Variants in GRM7 observed in about 807,000 individuals in gnomAD.
GRM7 encodes the protein glutamate metabotropic receptor 7, also known as metabotropic glutamate receptor 7.
A neutral mutation model predicts 84.5 loss-of-function variants in GRM7; 35 were observed. That is an observed-to-expected ratio of 0.41 (90% CI 0.32 to 0.55). The LOEUF is 0.55. Ranked by LOEUF, GRM7 falls within the 20% of genes least tolerant of loss-of-function variation. The pLI is 0.19. For synonymous variants in GRM7, 487 were observed against 455.1 expected (o/e 1.07, Z -0.89); for missense variants, 1,003 against 1,194.6 (o/e 0.84, Z 2.36).
intron 2 of GRM7, among the ~76,000 whole-genome samples, chr3:7,257,967 A>G (rs1698269973): frequency 6.6e-6 from 1 of 152,132 alleles, no homozygotes. Context: ...TGATTGATTG[A>G]GCCATCCATG....
rs953423999 is a variant in GRM7 at position 7,151,897 on chromosome 3, C to T, written c.736+5229C>T. ...ACCAGGCTGTAATTCCTAATACCAC[C>T]ATCTATATTGAATTCTGTTTTTTTT... On this transcript the variant is annotated intron_variant, in intron 2 of 9. Transcript: ENST00000357716. The surrounding 1 kb of genome is among the most constrained non-coding windows in gnomAD (Gnocchi z 4.5). 1.4e-5 allele frequency among the ~76,000 whole-genome samples: 2 copies of T among 147,160 alleles called. No homozygotes were observed. The highest frequency in any genetic ancestry group is 2.6e-5 in the African/African-American group (1 of 37,930).
At position 7,151,216 on chromosome 3, in the gene GRM7, C is replaced by T. The variant is rs902184163; in HGVS notation, c.736+4548C>T. On this transcript the variant is annotated intron_variant, in intron 2 of 9. Coordinates refer to ENST00000357716, the MANE Select transcript of GRM7 (RefSeq NM_000844.4). This position sits in a 1 kb window ranked among gnomAD's most constrained non-coding sequence, Gnocchi z 4.5. The stretch of plus-strand genomic sequence containing the variant: ...TAACTGTTATTAACTGTTATTCAGC[C>T]TTCAGTTTTTTAGACCTCAAGCTCT... 6.6e-6 allele frequency among the ~76,000 whole-genome samples: 1 copy of T among 151,988 alleles called. No individual in the cohort carries two copies. Among genetic ancestry groups the T allele is most frequent in the Non-Finnish European group, 1.5e-5 (1 of 67,986 alleles).
intron 2 of GRM7, among the ~76,000 whole-genome samples, chr3:7,190,532 T>C (rs185440548): frequency 6.6e-6 from 1 of 152,230 alleles, no homozygotes; most frequent in East Asian, 1.9e-4. Flanking sequence ...CAAATCTTGA[T>C]CTTTTCTTCT....
At position 7,185,302 on chromosome 3, in the gene GRM7, C is replaced by T. The variant is rs143295343; in HGVS notation, c.736+38634C>T. ...TTGTGTGCTCCAGTGCCACTGCCAA[C>T]GAGAGTTGAGAAGTGATGGGGTTTT... is the stretch of plus-strand genomic sequence containing the variant. On this transcript the variant is annotated intron_variant, in intron 2 of 9. Coordinates refer to ENST00000357716, the MANE Select transcript of GRM7 (RefSeq NM_000844.4). Among the ~76,000 whole-genome samples, 76 of 152,216 alleles carry T rather than the reference C, an allele frequency of 5.0e-4. No individual in the cohort carries two copies. The South Asian group carries it at 6.6e-3, about 13-fold the overall frequency.
At position 7,305,360 on chromosome 3, in the gene GRM7, ATTATAC is replaced by A. The variant is rs1395437875; in HGVS notation, c.879-1135_879-1130del. On this transcript the variant is annotated intron_variant, in intron 3 of 9. Coordinates refer to ENST00000357716, the MANE Select transcript of GRM7 (RefSeq NM_000844.4). The stretch of plus-strand genomic sequence containing the variant: ...TTTTTTTTCTTTTTTTTTTTTTTTA[ATTATAC>A]TTTAAGTTTTAGGATACATGTGCAC... Among the ~76,000 whole-genome samples, 54 of 61,792 alleles carry A rather than the reference ATTATAC, an allele frequency of 8.7e-4. 15 individuals are homozygous for A. Among genetic ancestry groups the A allele is most frequent in the Non-Finnish European group, 1.9e-3 (49 of 25,988 alleles). The allele number at this position is 61,792 out of a possible 152,430, so 40.5% of individuals were successfully genotyped here. A position where few individuals can be genotyped will look rare whatever the true frequency, so the allele number is the denominator to read the frequency against.
intron 4 of GRM7, among the ~76,000 whole-genome samples, chr3:7,306,917 CTGAGAGGAGAGCA>C (rs1181187313): frequency 5.3e-5 from 8 of 152,278 alleles, no homozygotes; most frequent in African/African-American, 1.9e-4. Flanking sequence ...TAGGAACTTT[CTGAGAGGAGAGCA>C]TTATCATTAA....
intron 1 of GRM7, among the ~76,000 whole-genome samples, chr3:7,125,490 C>G (rs1306706731): frequency 3.3e-5 from 5 of 152,272 alleles, no homozygotes; most frequent in African/African-American, 1.2e-4. Flanking sequence ...AAAAAAATCC[C>G]TTTGCATAAC....
Position 6,991,096 on chromosome 3 carries a change from G to GCA in GRM7, c.519+129201_519+129202dup, listed in dbSNP as rs138208466. ...TGCATACATACATACATACATACAT[G>GCA]CACACACACACACGGATGCCCTCTT... is the stretch of plus-strand genomic sequence containing the variant. On this transcript the variant is annotated intron_variant, in intron 1 of 9. Transcript: ENST00000357716. 3.3e-5 allele frequency among the ~76,000 whole-genome samples: 5 copies of GCA among 151,714 alleles called. No homozygotes were observed. In the South Asian group the frequency reaches 6.3e-4, roughly 19 times the overall value.
chr3:7,249,041 G>A (rs943752055), intron 2 of GRM7, among the ~76,000 whole-genome samples: 9 of 152,046 alleles, frequency 5.9e-5, no homozygotes, highest in Non-Finnish European at 1.3e-4. Flanking sequence ...TTAACTCGAG[G>A]ACTTTACCCT....
At chr3:7,155,475 G>T (rs1694419595) in intron 2 of GRM7, among the ~76,000 whole-genome samples, 1 of 151,838 alleles carries the variant, frequency 6.6e-6, no homozygotes, top group Non-Finnish European at 1.5e-5. Flanking sequence ...AGGCATGAAA[G>T]TGGGCATCGG....
At chr3:6,946,389 T>C (rs1698082215) in intron 1 of GRM7, among the ~76,000 whole-genome samples, 1 of 152,224 alleles carries the variant, frequency 6.6e-6, no homozygotes, top group Admixed American at 6.5e-5. Context: ...GCATTATTTC[T>C]GAGGGCTCTG....
rs763439420 is a variant in GRM7, at chr3:7,452,672, G to A, written c.1240G>A (p.Ala414Thr). The change falls in exon 6 of 10, where the codon GCA (alanine) becomes ACA (threonine). Residue 414 changes from alanine to threonine, a missense_variant. Physicochemically the swap from Ala to Thr is moderately conservative, Grantham distance 58. Around this residue, in one of 2 missense-constraint regions of GRM7, gnomAD observed 910 missense variants for 1,126.0 expected, o/e 0.81. Coordinates refer to ENST00000357716, the MANE Select transcript of GRM7 (RefSeq NM_000844.4). ...QEGKVQFVID[A>T]VYAMAHALHH... ...GGGTAAAGTCCAGTTCGTGATTGAC[G>A]CAGTCTATGCTATGGCTCACGCCCT... The A allele has an allele frequency of 2.0e-5, 33 of 1,612,330 alleles. No homozygotes were observed. Among genetic ancestry groups the A allele is most frequent in the African/African-American group, 8.0e-5 (6 of 74,812 alleles).
rs374617506 is a variant in GRM7 at position 7,656,514 on chromosome 3, TA to T, written c.2452-23526del. On this transcript the variant is annotated intron_variant, in intron 8 of 9. Coordinates refer to ENST00000357716, the MANE Select transcript of GRM7 (RefSeq NM_000844.4). ...CTGTCTCAAAAAACAAACAAACAAA[TA>T]AAAAAAAATATATATATATATATAC... Among the ~76,000 whole-genome samples the T allele has an allele frequency of 3.0e-3, 314 of 104,720 alleles. 3 individuals carry two copies. The highest frequency in any genetic ancestry group is 0.018 in the Middle Eastern group (4 of 224). The allele number at this position is 104,720 out of a possible 152,430, so 68.7% of individuals were successfully genotyped here.
intron 8 of GRM7, among the ~76,000 whole-genome samples, chr3:7,644,494 T>C (rs1372711656): frequency 1.3e-5 from 2 of 152,164 alleles, no homozygotes; most frequent in African/African-American, 4.8e-5. Flanking sequence ...CTTTATTCTG[T>C]CAAGTTACTT....
intron 9 of GRM7, among the ~76,000 whole-genome samples, chr3:7,682,938 T>A (rs1700437847): frequency 6.6e-6 from 1 of 152,214 alleles, no homozygotes; most frequent in Non-Finnish European, 1.5e-5. Context: ...TGAGGAAACC[T>A]TGGCTTCCCA....
At chr3:7,584,650 A>T (rs1345615359) in intron 8 of GRM7, among the ~76,000 whole-genome samples, 1 of 152,212 alleles carries the variant, frequency 6.6e-6, no homozygotes, top group Non-Finnish European at 1.5e-5. Flanking sequence ...AGAGGTAAGA[A>T]AACTAGTTGA....
intron 4 of GRM7, among the ~76,000 whole-genome samples, chr3:7,389,894 A>G (rs1694924927): frequency 6.6e-6 from 1 of 151,940 alleles, no homozygotes; most frequent in Admixed American, 6.6e-5. Flanking sequence ...TGGTGTTGTT[A>G]GTACTTGTTT....
intron 2 of GRM7, among the ~76,000 whole-genome samples, chr3:7,200,971 T>TG (rs1277213644): frequency 3.6e-5 from 5 of 137,246 alleles, no homozygotes; most frequent in Non-Finnish European, 6.4e-5. Flanking sequence ...AGAATTTTTT[T>TG]TTTTTTTTTT....
intron 9 of GRM7, among the ~76,000 whole-genome samples, chr3:7,713,785 C>T (rs1034492172): frequency 1.4e-4 from 19 of 139,748 alleles, no homozygotes; most frequent in African/African-American, 3.7e-4. Context: ...GGAAGAGCCA[C>T]GGATGCTTTC....
Sources: gnomAD v4.1 joint callset for allele counts (sites outside exome capture counted in the v4.1 genomes callset) on GRCh38, gnomAD v4.1.1 for gene constraint, gnomAD v4.1.1 regional missense constraint, Gnocchi (gnomAD v3.1) non-coding constraint, MANE v1.5 for transcripts, NCBI Gene and HGNC (gene_info 2026-07-23, HGNC 2026-07-21) for gene names.